Variants in DOCK4 observed in about 807,000 individuals in gnomAD.
DOCK4 encodes dedicator of cytokinesis protein 4.
A neutral mutation model predicts 268.1 loss-of-function variants in DOCK4; 97 were observed. That is an observed-to-expected ratio of 0.36 (90% CI 0.31 to 0.43). DOCK4 has a LOEUF of 0.43. DOCK4 is among the 20% of genes least tolerant of loss of function. The pLI is 1.00. For missense variants in DOCK4, 2,145 were observed against 2,455.7 expected, an observed-to-expected ratio of 0.87 and a Z score of 2.67; for synonymous variants, 954 against 887.2, an observed-to-expected ratio of 1.08 and a Z score of -1.34.
chr7:111,758,241 T>C (rs1228170970), intron 41 of DOCK4, among the ~76,000 whole-genome samples: 1 of 152,272 alleles, frequency 6.6e-6, no homozygotes, highest in Non-Finnish European at 1.5e-5. Context: ...CATTGAACTT[T>C]ACGTGAAAAT....
chr7:111,758,534 C>G, intron 41 of DOCK4, 90 bp downstream of exon 41: 1 of 1,412,574 alleles, frequency 7.1e-7, no homozygotes, highest in Non-Finnish European at 9.8e-7. Context: ...TCACTTGACA[C>G]TATTCTGAGT....
At chr7:111,752,776 C>T (rs1014323165) in intron 42 of DOCK4, among the ~76,000 whole-genome samples, 5 of 151,612 alleles carry the variant, frequency 3.3e-5, no homozygotes, top group African/African-American at 7.3e-5. Flanking sequence ...TTAGTACAGA[C>T]GGGGTTTCAC....
chr7:112,084,294 TG>T (rs1808865137), intron 1 of DOCK4, among the ~76,000 whole-genome samples: 1 of 152,242 alleles, frequency 6.6e-6, no homozygotes, highest in Non-Finnish European at 1.5e-5. Flanking sequence ...AGTGAAAAGA[TG>T]TTTAAATTGC....
At chr7:112,113,370 G>A (rs1042154619) in intron 1 of DOCK4, among the ~76,000 whole-genome samples, 1 of 152,144 alleles carries the variant, frequency 6.6e-6, no homozygotes, top group African/African-American at 2.4e-5. Flanking sequence ...GTGGGCCAGA[G>A]AGGACTAAAT....
intron 17 of DOCK4, 54 bp from the exon 18 acceptor site, chr7:111,872,618 A>G: frequency 2.1e-6 from 3 of 1,422,788 alleles, no homozygotes; most frequent in Admixed American, 2.4e-5. Context: ...AGGTCCTCAC[A>G]TGAAAGCGTT....
chr7:111,756,218 G>A (rs532865297), intron 41 of DOCK4, among the ~76,000 whole-genome samples: 201 of 152,218 alleles, frequency 1.3e-3, no homozygotes, highest in African/African-American at 4.0e-3. Context: ...GCATGGTGGC[G>A]GGCACCTGTA....
At chr7:112,133,210 C>A (rs1392070201) in intron 1 of DOCK4, among the ~76,000 whole-genome samples, 1 of 152,108 alleles carries the variant, frequency 6.6e-6, no homozygotes, top group African/African-American at 2.4e-5. Flanking sequence ...CCTGCGGGAG[C>A]TTCTGAGACC....
chr7:112,030,102 T>C (rs533893994), intron 1 of DOCK4, among the ~76,000 whole-genome samples: 1 of 152,312 alleles, frequency 6.6e-6, no homozygotes, highest in Non-Finnish European at 1.5e-5. Flanking sequence ...TGGCTTCAGA[T>C]TCCTACTGAA....
intron 1 of DOCK4, among the ~76,000 whole-genome samples, chr7:112,094,968 C>T (rs2135780464): frequency 6.6e-6 from 1 of 152,334 alleles, no homozygotes. Flanking sequence ...TCCTGTACTG[C>T]CTGCAGAATC....
Position 111,808,841 on chromosome 7 carries a change from A to C in DOCK4, c.3146T>G (p.Phe1049Cys), listed in dbSNP as rs759588158. ...DMRVTMGCEI[F>C]SMWQNLGEHK... ...CTTACCTAGGTTTTGCCACATGCTG[A>C]AAATTTCACAACCCATTGTTACCCG... The change falls in exon 30 of 53, where the codon TTC (phenylalanine) becomes TGC (cysteine). Residue 1049 changes from phenylalanine (F) to cysteine (C), a missense_variant. Physicochemically the swap from Phe to Cys is radical, Grantham distance 205 (BLOSUM62 -2). Coordinates refer to ENST00000428084, the MANE Select transcript of DOCK4 (RefSeq NM_001363540.2). The C allele has an allele frequency of 1.5e-5, 24 of 1,613,184 alleles. No individual in the cohort carries two copies. Among genetic ancestry groups the C allele is most frequent in the Non-Finnish European group, 2.0e-5 (24 of 1,179,582 alleles).
chr7:111,988,996 T>C lies in DOCK4; in HGVS notation c.464+19A>G, dbSNP rs995576880. On this transcript the variant is annotated intron_variant, in intron 6 of 52. Transcript: ENST00000428084. Reference sequence around the variant, plus strand: ...TGTGTTCACCTACTAGAGGCCGCCCTGTGATGCTCAATACTCACTCATTGC... The same window carrying C: ...TGTGTTCACCTACTAGAGGCCGCCCCGTGATGCTCAATACTCACTCATTGC... 2.5e-6 allele frequency: 4 copies of C among 1,599,650 alleles called. No individual in the cohort carries two copies. The Admixed American group carries it at 7.0e-5, about 28-fold the overall frequency.
At chr7:111,924,423 G>A (rs1793426835) in intron 12 of DOCK4, among the ~76,000 whole-genome samples, 2 of 152,120 alleles carry the variant, frequency 1.3e-5, no homozygotes, top group African/African-American at 4.8e-5. Context: ...TACCTTGACT[G>A]GAAGCTGATG....
chr7:112,066,700 T>TATATATATAC (rs1807064810), intron 1 of DOCK4, among the ~76,000 whole-genome samples: 1 of 36,282 alleles, frequency 2.8e-5, no homozygotes, highest in Non-Finnish European at 6.8e-5. Context: ...CATATATATA[T>TATATATATAC]ATATATATAT....
intron 42 of DOCK4, among the ~76,000 whole-genome samples, chr7:111,754,273 T>C (rs1796880932): frequency 6.6e-6 from 1 of 152,242 alleles, no homozygotes; most frequent in South Asian, 2.1e-4. Context: ...TGCACTGATG[T>C]AATCTGCTGA....
rs116775502 is a variant in DOCK4, at chr7:112,189,261, G to A, written c.37+16841C>T. ...CTGTCTTTTGATAACAGCTTGCCTT[G>A]CTATCTCAAGATACTCTTATTCTGG... is the stretch of plus-strand genomic sequence containing the variant. On this transcript the variant is annotated intron_variant, in intron 1 of 52. Coordinates refer to ENST00000428084, the MANE Select transcript of DOCK4 (RefSeq NM_001363540.2). Among the ~76,000 whole-genome samples, 1,335 of 149,140 alleles carry A rather than the reference G, an allele frequency of 9.0e-3. 28 individuals carry two copies. The highest frequency in any genetic ancestry group is 0.031 in the African/African-American group (1,270 of 40,436).
intron 13 of DOCK4, among the ~76,000 whole-genome samples, chr7:111,911,191 A>G (rs962604742): frequency 1.3e-5 from 2 of 152,144 alleles, no homozygotes; most frequent in Non-Finnish European, 2.9e-5. Context: ...ACACATCTAG[A>G]CAATGAAAAA....
At chr7:111,802,313 C>G (rs1208603022) in intron 30 of DOCK4, among the ~76,000 whole-genome samples, 1 of 152,172 alleles carries the variant, frequency 6.6e-6, no homozygotes, top group Non-Finnish European at 1.5e-5. Flanking sequence ...CTGAGATTAA[C>G]AGGTCTTGCA....
Position 111,728,142 on chromosome 7 carries a change from TAAGC to T in DOCK4, c.*128_*131del, listed in dbSNP as rs1457871399. ...TAATATTGTGCAACATGATATTTAA[TAAGC>T]AAGTTTTAATTCCATTCATCGAAGG... On this transcript the variant is annotated 3_prime_UTR_variant, in exon 53 of 53. Transcript: ENST00000428084. 3.1e-6 allele frequency: 2 copies of T among 641,818 alleles called. No homozygotes were observed. The highest frequency in any genetic ancestry group is 4.5e-6 in the Non-Finnish European group (2 of 439,814). 39.8% of individuals were successfully genotyped at this position (641,818 alleles called of 1,614,324 possible).
chr7:111,922,738 C>T (rs1326723316), intron 12 of DOCK4, among the ~76,000 whole-genome samples: 2 of 152,134 alleles, frequency 1.3e-5, no homozygotes, highest in African/African-American at 4.8e-5. Flanking sequence ...TGCGCCACCA[C>T]ACCCAGCTAA....
Sources: allele counts gnomAD v4.1 joint callset (sites outside exome capture counted in the v4.1 genomes callset), GRCh38; gene constraint gnomAD v4.1.1; transcripts MANE v1.5; gene names NCBI Gene and HGNC (gene_info 2026-07-23, HGNC 2026-07-21).